The following ANOS1 variants were observed in gnomAD, a reference collection of about 807,000 sequenced individuals.
The protein encoded by ANOS1 is anosmin-1.
Under a neutral mutation model 59.0 loss-of-function variants are expected in ANOS1, and 6 were observed. The observed-to-expected ratio is 0.10, with a 90% confidence interval of 0.06 to 0.20. The LOEUF (loss-of-function observed/expected upper bound fraction) is 0.20. ANOS1 is among the 10% of genes least tolerant of loss of function. The pLI is 1.00. For missense variants in ANOS1, 433 were observed against 542.3 expected, an observed-to-expected ratio of 0.80 and a Z score of 2.00; for synonymous variants, 217 against 223.4, an observed-to-expected ratio of 0.97 and a Z score of 0.25.
At chrX:8,680,590 T>G (rs758460143) in intron 2 of ANOS1, among the ~76,000 whole-genome samples, 2 of 111,322 alleles carry the variant, frequency 1.8e-5, no homozygotes, top group East Asian at 5.6e-4. Flanking sequence ...CAACTGTGCT[T>G]ATTTCTCCTA....
chrX:8,548,964 T>C (rs1483848186), intron 9 of ANOS1, among the ~76,000 whole-genome samples: 1 of 111,769 alleles, frequency 8.9e-6, no homozygotes, highest in South Asian at 3.8e-4. Context: ...AGAGGCTAGT[T>C]TACCTCCGTC....
At chrX:8,663,112 C>A (rs1158712557) in intron 2 of ANOS1, among the ~76,000 whole-genome samples, 1 of 111,537 alleles carries the variant, frequency 9.0e-6, no homozygotes, top group African/African-American at 3.3e-5. Context: ...GGAACTCATC[C>A]CTCCCTCATA....
chrX:8,551,879 G>A (rs916644497), intron 9 of ANOS1, among the ~76,000 whole-genome samples: 3 of 111,726 alleles, frequency 2.7e-5, no homozygotes, highest in Non-Finnish European at 5.7e-5. Flanking sequence ...AGGCTGAGGC[G>A]GGAGAATCGC....
At chrX:8,627,768 G>A (rs1198517501) in intron 2 of ANOS1, among the ~76,000 whole-genome samples, 2 of 109,626 alleles carry the variant, frequency 1.8e-5, no homozygotes, top group African/African-American at 6.7e-5. Flanking sequence ...AAAGTGTTGC[G>A]GGAGAAAACG....
chrX:8,639,684 C>T (rs767964354), intron 2 of ANOS1, among the ~76,000 whole-genome samples: 6 of 112,341 alleles, frequency 5.3e-5, no homozygotes, highest in Admixed American at 1.9e-4. Flanking sequence ...GATAGACTAA[C>T]ATGCAAAGAA....
intron 2 of ANOS1, among the ~76,000 whole-genome samples, chrX:8,631,643 C>T (rs912736732): frequency 4.5e-5 from 5 of 111,224 alleles, no homozygotes; most frequent in East Asian, 2.8e-4. Flanking sequence ...AAGGATCAAA[C>T]GGAGGAAGTC....
chrX:8,696,544 T>C (rs1016548067), intron 2 of ANOS1, among the ~76,000 whole-genome samples: 9 of 112,314 alleles, frequency 8.0e-5, no homozygotes, highest in African/African-American at 2.9e-4. Flanking sequence ...CCTAAAAAGG[T>C]GCTTGGCACA....
intron 1 of ANOS1, among the ~76,000 whole-genome samples, chrX:8,723,998 T>C (rs1932893635): frequency 8.9e-6 from 1 of 112,503 alleles, no homozygotes; most frequent in African/African-American, 3.2e-5. Flanking sequence ...GGTCCAAGAA[T>C]TGAAATCTTT....
At chrX:8,623,074 T>G (rs200671329) in intron 3 of ANOS1, among the ~76,000 whole-genome samples, 4 of 80,770 alleles carry the variant, frequency 5.0e-5, no homozygotes, top group Non-Finnish European at 1.1e-4. Context: ...ATGGATGGCT[T>G]GCTGGCTGGC....
At chrX:8,610,468 G>A (rs1931035754) in intron 3 of ANOS1, among the ~76,000 whole-genome samples, 1 of 111,996 alleles carries the variant, frequency 8.9e-6, no homozygotes, top group Non-Finnish European at 1.9e-5. Context: ...AAAGCTTGAG[G>A]CTGAGATGGC....
intron 6 of ANOS1, among the ~76,000 whole-genome samples, chrX:8,576,511 C>T (rs2031125476): frequency 9.1e-6 from 1 of 109,526 alleles, no homozygotes; most frequent in South Asian, 3.9e-4. Context: ...CACACACACA[C>T]ACACACATAT....
intron 3 of ANOS1, among the ~76,000 whole-genome samples, chrX:8,608,354 A>G (rs886085280): frequency 9.0e-6 from 1 of 111,582 alleles, no homozygotes; most frequent in African/African-American, 3.3e-5. Flanking sequence ...CATGTAAATA[A>G]TTTCTTTTAA....
At chrX:8,563,479 C>T (rs1267558418) in intron 8 of ANOS1, among the ~76,000 whole-genome samples, 1 of 112,489 alleles carries the variant, frequency 8.9e-6, no homozygotes, top group Admixed American at 9.4e-5. Context: ...AAGATAATTC[C>T]TTTGGAATAG....
Position 8,623,597 on chromosome X carries a change from C to A in ANOS1, c.318+11G>T, listed in dbSNP as rs752221629. The A allele has an allele frequency of 2.5e-6, 3 of 1,189,056 alleles. No individual in the cohort carries two copies. The highest frequency in any genetic ancestry group is 3.6e-5 in the South Asian group (2 of 56,094). ...GGTCAAGTGTTTTAAGTACCACTGA[C>A]GTTCTCCTACCTCACAAAAGCTTTG... On this transcript the variant is annotated intron_variant, in intron 3 of 13. Coordinates refer to ENST00000262648, the MANE Select transcript of ANOS1 (RefSeq NM_000216.4).
chrX:8,704,667 T>C (rs1228632292), intron 1 of ANOS1, among the ~76,000 whole-genome samples: 1 of 112,539 alleles, frequency 8.9e-6, no homozygotes, highest in Non-Finnish European at 1.9e-5. Context: ...ATTATTATGA[T>C]TAGAATGATT....
intron 8 of ANOS1, among the ~76,000 whole-genome samples, chrX:8,559,162 T>A (rs748051659): frequency 9.0e-6 from 1 of 111,724 alleles, no homozygotes; most frequent in Admixed American, 9.5e-5. Flanking sequence ...TAGAAGAGCA[T>A]CAGTCTGACC....
At position 8,594,766 on chromosome X, in the gene ANOS1, A is replaced by AT. The variant is rs1239308066; in HGVS notation, c.541+2267dup. ...TATATATATACATATATATATATATATTTTTTTTTTGCAAAATAACAATCT... is the reference window on the plus strand; with the variant it reads ...TATATATATACATATATATATATATATTTTTTTTTTTGCAAAATAACAATCT... On this transcript the variant is annotated intron_variant, in intron 4 of 13. Transcript: ENST00000262648. Among the ~76,000 whole-genome samples the AT allele has an allele frequency of 1.4e-3, 92 of 67,980 alleles. 4 individuals are homozygous for AT. The highest frequency in any genetic ancestry group is 5.5e-3 in the African/African-American group (86 of 15,618). 59.0% of individuals were successfully genotyped at this position (67,980 alleles called of 115,157 possible). A position where few individuals can be genotyped will look rare whatever the true frequency, so the allele number is the denominator to read the frequency against.
rs181235442 is a variant in ANOS1, at chrX:8,628,501, G to T, written c.256-4831C>A. ...AGCCAAGAACCCATGTGGCCTCCCA[G>T]ACTGAACTCCAATTTTGGGGTTTAC... On this transcript the variant is annotated intron_variant, in intron 2 of 13. Transcript: ENST00000262648. Among the ~76,000 whole-genome samples the T allele has an allele frequency of 6.1e-4, 68 of 111,534 alleles. 1 individual carries two copies. Among genetic ancestry groups the T allele is most frequent in the African/African-American group, 2.0e-3 (62 of 30,714 alleles).
chrX:8,640,205 C>A lies in ANOS1; in HGVS notation c.256-16535G>T, dbSNP rs749442556. ...ATGATGAAATGCAGGGGCTGCCTCTCTGGGGATCTCAAAGCCCTCCTTTGT... is the reference window on the plus strand; with the variant it reads ...ATGATGAAATGCAGGGGCTGCCTCTATGGGGATCTCAAAGCCCTCCTTTGT... On this transcript the variant is annotated intron_variant, in intron 2 of 13. Coordinates refer to ENST00000262648, the MANE Select transcript of ANOS1 (RefSeq NM_000216.4). Among the ~76,000 whole-genome samples, 5 of 111,255 alleles carry A rather than the reference C, an allele frequency of 4.5e-5. No individual in the cohort carries two copies. The South Asian group carries it at 1.9e-3, about 43-fold the overall frequency.
Sources: gnomAD v4.1 joint callset for allele counts (sites outside exome capture counted in the v4.1 genomes callset) on GRCh38, gnomAD v4.1.1 for gene constraint, MANE v1.5 for transcripts, NCBI Gene and HGNC (gene_info 2026-07-23, HGNC 2026-07-21) for gene names.